The following NRXN1 variants were observed in gnomAD, a reference collection of about 807,000 sequenced individuals.
NRXN1 encodes neurexin-1.
A neutral mutation model predicts 150.9 loss-of-function variants in NRXN1; 39 were observed. The observed-to-expected ratio is 0.26, with a 90% CI of 0.20 to 0.34. The LOEUF is 0.34. Among genes scored for constraint, NRXN1 ranks in the 10% least tolerant of loss-of-function variants. The pLI, the probability that NRXN1 is intolerant of heterozygous loss-of-function variation, is 1.00. For synonymous variants in NRXN1, 924 were observed against 757.0 expected (o/e 1.22, Z -3.62); for missense variants, 1,815 against 1,949.9 (o/e 0.93, Z 1.30).
intron 21 of NRXN1, among the ~76,000 whole-genome samples, chr2:50,006,589 A>G (rs926711047): frequency 1.8e-4 from 28 of 152,112 alleles, no homozygotes; most frequent in African/African-American, 6.7e-4. Context: ...CTCTCCTTTG[A>G]TCTCTTAGGT....
At chr2:50,951,637 T>C (rs1161948962) in intron 2 of NRXN1, among the ~76,000 whole-genome samples, 1 of 152,102 alleles carries the variant, frequency 6.6e-6, no homozygotes, top group Non-Finnish European at 1.5e-5. Flanking sequence ...TCTCTCATAG[T>C]ATGAGTCACC....
At chr2:50,304,130 T>A (rs947256310) in intron 17 of NRXN1, among the ~76,000 whole-genome samples, 5 of 152,174 alleles carry the variant, frequency 3.3e-5, no homozygotes, top group African/African-American at 1.2e-4. Context: ...GAAGGCTAGT[T>A]ACACTCATCA....
intron 5 of NRXN1, among the ~76,000 whole-genome samples, chr2:50,776,718 G>A (rs1261353024): frequency 1.3e-5 from 2 of 151,310 alleles, no homozygotes; most frequent in African/African-American, 4.8e-5. Context: ...ATTTAGATTA[G>A]TATGAAAATT....
chr2:50,411,078 G>A (rs1196305955), intron 17 of NRXN1, among the ~76,000 whole-genome samples: 3 of 149,984 alleles, frequency 2.0e-5, no homozygotes, highest in Non-Finnish European at 2.9e-5. Flanking sequence ...TCTTTGCATG[G>A]TCTCCCTCTG....
At chr2:50,655,278 T>C (rs897638024) in intron 5 of NRXN1, among the ~76,000 whole-genome samples, 1 of 152,052 alleles carries the variant, frequency 6.6e-6, no homozygotes, top group Non-Finnish European at 1.5e-5. Context: ...CAAACTATTT[T>C]TCAAGTATTA....
chr2:50,556,308 C>T (rs567296541), intron 8 of NRXN1, among the ~76,000 whole-genome samples: 36 of 152,156 alleles, frequency 2.4e-4, no homozygotes, highest in African/African-American at 7.9e-4. Context: ...TTGCTTCTTT[C>T]TGAAACAATG....
intron 17 of NRXN1, among the ~76,000 whole-genome samples, chr2:50,295,501 C>T (rs942640744): frequency 2.6e-5 from 4 of 152,060 alleles, no homozygotes; most frequent in Admixed American, 6.6e-5. Context: ...TCATTTACTA[C>T]TGTAATCTCT....
intron 18 of NRXN1, among the ~76,000 whole-genome samples, chr2:50,153,208 G>C (rs1156540566): frequency 6.6e-6 from 1 of 151,348 alleles, no homozygotes; most frequent in African/African-American, 2.4e-5. Context: ...CTACGTCTTT[G>C]TTGCTATTTC....
At chr2:50,352,557 CA>C (rs1170805442) in intron 17 of NRXN1, among the ~76,000 whole-genome samples, 1 of 151,672 alleles carries the variant, frequency 6.6e-6, no homozygotes, top group Admixed American at 6.6e-5. Flanking sequence ...CCAGTATCCC[CA>C]TAAAGTAAAG....
At chr2:50,964,920 A>G (rs1269589886) in intron 2 of NRXN1, among the ~76,000 whole-genome samples, 1 of 151,490 alleles carries the variant, frequency 6.6e-6, no homozygotes, top group Non-Finnish European at 1.5e-5. Flanking sequence ...ATACTCTGGA[A>G]TTTTTGTTGA....
At chr2:50,819,008 A>T (rs1188240861) in intron 5 of NRXN1, among the ~76,000 whole-genome samples, 1 of 152,174 alleles carries the variant, frequency 6.6e-6, no homozygotes, top group Non-Finnish European at 1.5e-5. Context: ...GATGGCCATA[A>T]CCAAAACACA....
intron 5 of NRXN1, among the ~76,000 whole-genome samples, chr2:50,893,009 C>A (rs1001171847): frequency 4.6e-5 from 7 of 152,154 alleles, no homozygotes; most frequent in African/African-American, 1.2e-4. Context: ...TTCACCCAAA[C>A]AAGAACTCCT....
At chr2:49,981,310 T>C (rs1679948178) in intron 21 of NRXN1, among the ~76,000 whole-genome samples, 1 of 151,788 alleles carries the variant, frequency 6.6e-6, no homozygotes, top group African/African-American at 2.4e-5. Flanking sequence ...AACTGATTGA[T>C]GAAAGCACTC....
chr2:50,233,609 T>G (rs1177052727), intron 18 of NRXN1, among the ~76,000 whole-genome samples: 1 of 152,108 alleles, frequency 6.6e-6, no homozygotes, highest in African/African-American at 2.4e-5. Context: ...AAATATTAAA[T>G]CTGATCAGTA....
intron 17 of NRXN1, among the ~76,000 whole-genome samples, chr2:50,387,058 C>A (rs947163217): frequency 6.6e-6 from 1 of 152,036 alleles, no homozygotes; most frequent in African/African-American, 2.4e-5. Flanking sequence ...TTAGAGCCAC[C>A]TCAAGTTTCA....
chr2:50,766,497 G>A (rs1285127238), intron 5 of NRXN1, among the ~76,000 whole-genome samples: 3 of 152,030 alleles, frequency 2.0e-5, no homozygotes. Flanking sequence ...GGAGGTTTGA[G>A]GCTGTTGGGC....
At chr2:50,587,514 A>G (rs116759712) in intron 8 of NRXN1, among the ~76,000 whole-genome samples, 18 of 152,248 alleles carry the variant, frequency 1.2e-4, no homozygotes, top group Non-Finnish European at 2.4e-4. Context: ...TCCCTATTGC[A>G]GAAAGTTGCC....
chr2:50,117,652 T>C (rs1379325005), intron 18 of NRXN1, among the ~76,000 whole-genome samples: 1 of 152,064 alleles, frequency 6.6e-6, no homozygotes, highest in Non-Finnish European at 1.5e-5. Context: ...AAAAGAACAA[T>C]CTTCTTTAGA....
At chr2:50,142,034 C>G (rs1272511262) in intron 18 of NRXN1, among the ~76,000 whole-genome samples, 1 of 151,984 alleles carries the variant, frequency 6.6e-6, no homozygotes, top group Non-Finnish European at 1.5e-5. Flanking sequence ...TTCACAATAG[C>G]AAAGACATGG....
Sources: gnomAD v4.1 joint callset for allele counts (sites outside exome capture counted in the v4.1 genomes callset) on GRCh38, gnomAD v4.1.1 for gene constraint, MANE v1.5 for transcripts, NCBI Gene and HGNC (gene_info 2026-07-23, HGNC 2026-07-21) for gene names.